CATSPERE: variants seen among roughly 807,000 people sequenced by gnomAD.
CATSPERE encodes the protein catsper channel auxiliary subunit epsilon.
CATSPERE carries 93 observed loss-of-function variants against 114.1 expected under a neutral mutation model. That is an observed-to-expected ratio of 0.81 (90% CI 0.69 to 0.97). The LOEUF (loss-of-function observed/expected upper bound fraction) is 0.97. Among genes scored for constraint, CATSPERE ranks in the 50% least tolerant of loss-of-function variants. CATSPERE has a pLI of 0.00. For missense variants in CATSPERE, 1,058 were observed against 1,131.6 expected (o/e 0.93, Z 0.93); for synonymous variants, 341 against 384.1 (o/e 0.89, Z 1.31).
At chr1:244,617,234 A>T (rs1209380466) in intron 19 of CATSPERE, among the ~76,000 whole-genome samples, 1 of 152,172 alleles carries the variant, frequency 6.6e-6, no homozygotes, top group Non-Finnish European at 1.5e-5. Flanking sequence ...GTCCCCAATT[A>T]AGCATCTTTG....
chr1:244,483,647 C>T lies in CATSPERE; in HGVS notation c.326+3863C>T, dbSNP rs76945553. The stretch of plus-strand genomic sequence containing the variant: ...TTCCTATTCAATAAGTATTTTGATC[C>T]ACTTTTGAGTTATTTTTATTTTCAT... On this transcript the variant is annotated intron_variant, in intron 5 of 21. Coordinates refer to ENST00000366534, the MANE Select transcript of CATSPERE (RefSeq NM_001130957.2). Among the ~76,000 whole-genome samples, 1,355 of 152,046 alleles carry T rather than the reference C, an allele frequency of 8.9e-3. 11 individuals are homozygous for T. The highest frequency in any genetic ancestry group is 0.017 in the Middle Eastern group (5 of 294).
In CATSPERE at chr1:244,633,133, GA is replaced by G. The variant is rs1323103157; in HGVS notation, c.2649-2354del. Among the ~76,000 whole-genome samples the G allele has an allele frequency of 1.3e-5, 2 of 152,098 alleles. No homozygotes were observed. The highest frequency in any genetic ancestry group is 4.8e-5 in the African/African-American group (2 of 41,414). ...AAAATACATGAAACAAAAACGGATA[GA>G]ACTAAACAGAGAAACAGACAAACCC... On this transcript the variant is annotated intron_variant, in intron 20 of 21. Transcript: ENST00000366534. The surrounding 1 kb of genome is among the most constrained non-coding windows in gnomAD (Gnocchi z 4.1).
chr1:244,532,031 G>A (rs1248624062), intron 8 of CATSPERE, among the ~76,000 whole-genome samples: 1 of 152,030 alleles, frequency 6.6e-6, no homozygotes, highest in East Asian at 1.9e-4. Flanking sequence ...TTAAATCTTA[G>A]ATTTCTTCAT....
At chr1:244,526,565 A>G (rs1678640832) in intron 8 of CATSPERE, among the ~76,000 whole-genome samples, 1 of 152,118 alleles carries the variant, frequency 6.6e-6, no homozygotes, top group African/African-American at 2.4e-5. Flanking sequence ...AGCAAGGATA[A>G]GGCAGTGCTT....
chr1:244,553,638 CACACACAT>C (rs1661119114), intron 9 of CATSPERE, among the ~76,000 whole-genome samples: 5 of 128,170 alleles, frequency 3.9e-5, no homozygotes, highest in Admixed American at 7.3e-5. Context: ...CACACACACA[CACACACAT>C]ACATATATAT....
chr1:244,639,232 T>C (rs376339756), intron 21 of CATSPERE, among the ~76,000 whole-genome samples: 43 of 152,344 alleles, frequency 2.8e-4, no homozygotes, highest in African/African-American at 9.9e-4. Flanking sequence ...TCCCTTTGTC[T>C]GAAACACTGT....
intron 5 of CATSPERE, among the ~76,000 whole-genome samples, chr1:244,489,173 A>G (rs1460432094): frequency 6.6e-6 from 1 of 152,148 alleles, no homozygotes; most frequent in Non-Finnish European, 1.5e-5. Flanking sequence ...TATGTGTCCC[A>G]GGCTGGTCTC....
At position 244,522,108 on chromosome 1, in the gene CATSPERE, A is replaced by T. The variant is rs1377620384; in HGVS notation, c.536+3410A>T. Among the ~76,000 whole-genome samples the T allele has an allele frequency of 5.9e-5, 9 of 152,192 alleles. No homozygotes were observed. The South Asian group carries it at 1.9e-3, about 31-fold the overall frequency. On this transcript the variant is annotated intron_variant, in intron 8 of 21. Coordinates refer to ENST00000366534, the MANE Select transcript of CATSPERE (RefSeq NM_001130957.2). ...AAGTAAAGGTCTCCTCAGCAAATGT[A>T]AAAGAACAGAAATTATAACAAACTG...
upstream of CATSPERE, among the ~76,000 whole-genome samples, chr1:244,459,994 C>A (rs968649908): frequency 3.3e-5 from 5 of 152,186 alleles, no homozygotes; most frequent in African/African-American, 9.7e-5. Flanking sequence ...TCATAGCCTA[C>A]CCAAAGGGAA....
At chr1:244,472,726 T>C (rs1668693922) in intron 2 of CATSPERE, among the ~76,000 whole-genome samples, 1 of 152,224 alleles carries the variant, frequency 6.6e-6, no homozygotes, top group Non-Finnish European at 1.5e-5. Flanking sequence ...TCTACCATTA[T>C]AGTATCACAC....
At chr1:244,482,785 A>G (rs975311948) in intron 5 of CATSPERE, among the ~76,000 whole-genome samples, 7 of 152,122 alleles carry the variant, frequency 4.6e-5, no homozygotes, top group African/African-American at 1.4e-4. Flanking sequence ...GTTAGACACT[A>G]TCCTGGATAT....
At chr1:244,615,950 T>TAAAA (rs35945015) in intron 19 of CATSPERE, among the ~76,000 whole-genome samples, 1 of 115,810 alleles carries the variant, frequency 8.6e-6, no homozygotes, top group Admixed American at 9.3e-5. Flanking sequence ...CCCCATCTCC[T>TAAAA]AAAAAAAAAA....
chr1:244,473,008 T>C (rs1339234491), intron 2 of CATSPERE, among the ~76,000 whole-genome samples: 1 of 152,360 alleles, frequency 6.6e-6, no homozygotes, highest in Admixed American at 6.5e-5. Flanking sequence ...TGTACTATAG[T>C]TTATCCATTC....
intron 19 of CATSPERE, among the ~76,000 whole-genome samples, chr1:244,614,551 C>T (rs141143163): frequency 6.6e-5 from 10 of 152,292 alleles, no homozygotes; most frequent in African/African-American, 1.9e-4. Flanking sequence ...GAGGTCTGTC[C>T]GAGTCGAGCG....
chr1:244,490,611 G>C (rs76220369), intron 6 of CATSPERE, 140 bp downstream of exon 6: 64 of 543,974 alleles, frequency 1.2e-4, no homozygotes, highest in East Asian at 1.2e-3. Flanking sequence ...CTTTCTATAA[G>C]ACCCATTCAG....
chr1:244,552,580 AT>A lies in CATSPERE; in HGVS notation c.797del (p.Phe266SerfsTer14). On this transcript the variant is annotated frameshift_variant, in exon 9 of 22. Transcript: ENST00000366534. LOFTEE classifies it high-confidence loss of function. The stretch of plus-strand genomic sequence containing the variant: ...TGGAGACCTTTCACACAACTGATTC[AT>A]TCAAATCTTGGACCAGAATCAGAGT... The part of the protein sequence containing the change: ...DMETFHTTDS[F>X]KSWTRIRVPP... The A allele has an allele frequency of 1.9e-6, 3 of 1,614,132 alleles. No individual in the cohort carries two copies. The highest frequency in any genetic ancestry group is 2.5e-6 in the Non-Finnish European group (3 of 1,180,034).
rs1674175457 is a variant in CATSPERE, at chr1:244,633,066, G to A, written c.2649-2423G>A. Among the ~76,000 whole-genome samples the A allele has an allele frequency of 6.6e-6, 1 of 152,142 alleles. No homozygotes were observed. ...GACACATTACATAATGATAAAGAAG[G>A]TGTAATAATCCTAAATGTGGATTTA... On this transcript the variant is annotated intron_variant, in intron 20 of 21. Coordinates refer to ENST00000366534, the MANE Select transcript of CATSPERE (RefSeq NM_001130957.2). This position sits in a 1 kb window ranked among gnomAD's most constrained non-coding sequence, Gnocchi z 4.1.
chr1:244,548,274 G>T (rs989297513), intron 8 of CATSPERE, among the ~76,000 whole-genome samples: 1 of 152,204 alleles, frequency 6.6e-6, no homozygotes, highest in Non-Finnish European at 1.5e-5. Context: ...AAGTAGCCAT[G>T]GTAGCAGAAA....
intron 8 of CATSPERE, among the ~76,000 whole-genome samples, chr1:244,524,341 G>A (rs1487028556): frequency 6.6e-6 from 1 of 150,780 alleles, no homozygotes; most frequent in Non-Finnish European, 1.5e-5. Flanking sequence ...ATCAATTCAA[G>A]ATGGATTAAA....
Sources: allele counts gnomAD v4.1 joint callset (sites outside exome capture counted in the v4.1 genomes callset), GRCh38; gene constraint gnomAD v4.1.1; non-coding constraint Gnocchi (gnomAD v3.1); transcripts MANE v1.5; gene names NCBI Gene and HGNC (gene_info 2026-07-23, HGNC 2026-07-21).